The following BCL11A variants were observed in gnomAD, a reference collection of about 807,000 sequenced individuals.
BCL11A encodes the protein B cell CLL/lymphoma 11A.
In BCL11A, 2 loss-of-function variants were observed where a neutral mutation model predicts 55.9. The observed-to-expected ratio is 0.04, with a 90% CI of 0.01 to 0.11. The LOEUF (loss-of-function observed/expected upper bound fraction) is 0.11, where lower values mean the gene tolerates loss of function less well. Ranked by LOEUF, BCL11A falls within the 10% of genes least tolerant of loss-of-function variation. The pLI is 1.00. For missense variants in BCL11A, 817 were observed against 1,137.1 expected, an observed-to-expected ratio of 0.72 and a Z score of 4.05; for synonymous variants, 465 against 473.4, an observed-to-expected ratio of 0.98 and a Z score of 0.23.
downstream of BCL11A, chr2:60,452,400 T>G (rs1675760701): frequency 1.8e-6 from 1 of 550,748 alleles, no homozygotes; most frequent in African/African-American, 1.9e-5. Context: ...TTAAAAAATA[T>G]AAATAAAATG....
At chr2:60,517,485 T>G (rs1480859677) in intron 2 of BCL11A, among the ~76,000 whole-genome samples, 1 of 152,180 alleles carries the variant, frequency 6.6e-6, no homozygotes, top group African/African-American at 2.4e-5. Context: ...TTGCTTGGGT[T>G]TTACCATGGG....
Position 60,460,968 on chromosome 2 carries a change from C to A in BCL11A, c.1944G>T (p.Ala648=), listed in dbSNP as rs1474812152. 6.2e-7 allele frequency: 1 copy of A among 1,610,980 alleles called. No individual in the cohort carries two copies. Among genetic ancestry groups the A allele is most frequent in the South Asian group, 1.1e-5 (1 of 90,996 alleles). Residue 648 remains alanine, a synonymous_variant, in exon 4 of 4, where the codon GCG becomes GCT. Transcript: ENST00000642384. ...LEKEFDLPPA[A]MPNTENVYSQ... ...AGTACACGTTCTCCGTGTTGGGCAT[C>A]GCGGCCGGGGGCAGGTCGAACTCCT... is the stretch of plus-strand genomic sequence containing the variant.
chr2:60,505,937 C>T (rs887273712), intron 2 of BCL11A, among the ~76,000 whole-genome samples: 1 of 152,190 alleles, frequency 6.6e-6, no homozygotes, highest in African/African-American at 2.4e-5. Context: ...CCACCTGGTT[C>T]GTCTGCCAGA....
intron 2 of BCL11A, among the ~76,000 whole-genome samples, chr2:60,497,667 A>C (rs1362288993): frequency 6.6e-6 from 1 of 152,064 alleles, no homozygotes; most frequent in African/African-American, 2.4e-5. Context: ...GGCACTTTGC[A>C]CCTTCCAGAG....
chr2:60,453,535 G>C (rs1462671463), downstream of BCL11A, among the ~76,000 whole-genome samples: 2 of 152,214 alleles, frequency 1.3e-5, no homozygotes, highest in African/African-American at 4.8e-5. Context: ...TCCCACCCCT[G>C]AGCAGAGCAG....
At chr2:60,504,732 T>G (rs1206715881) in intron 2 of BCL11A, among the ~76,000 whole-genome samples, 3 of 152,156 alleles carry the variant, frequency 2.0e-5, no homozygotes, top group African/African-American at 7.2e-5. Context: ...TACTGGTGCT[T>G]AGGGACAATG....
At chr2:60,453,246 T>A (rs1397817437), downstream of BCL11A, among the ~76,000 whole-genome samples, 1 of 152,210 alleles carries the variant, frequency 6.6e-6, no homozygotes, top group Non-Finnish European at 1.5e-5. Context: ...TGCCTGTAGT[T>A]TCTTTCAAAC....
In BCL11A at chr2:60,461,424, T is replaced by C. The variant is rs1676277116; in HGVS notation, c.1488A>G (p.Glu496=). ...GCTCCTCCTCCTCCTCTTCCTCCTC[T>C]TCTTCCTCTTCCTCGTCGTCCTCCT... ...EEEEDDEEEE[E]EEEEEEEELT... Residue 496 remains glutamate (E), a synonymous_variant, in exon 4 of 4, where the codon GAA becomes GAG. Transcript: ENST00000642384. 6.2e-6 allele frequency: 10 copies of C among 1,604,416 alleles called. No homozygotes were observed. Among genetic ancestry groups the C allele is most frequent in the Non-Finnish European group, 8.5e-6 (10 of 1,178,654 alleles).
chr2:60,521,391 T>C (rs1356675709), intron 2 of BCL11A, among the ~76,000 whole-genome samples: 5 of 152,126 alleles, frequency 3.3e-5, no homozygotes, highest in Admixed American at 3.3e-4. Flanking sequence ...CTGGGAATGG[T>C]GTGATGTGGT....
chr2:60,502,348 A>G (rs1341328720), intron 2 of BCL11A, among the ~76,000 whole-genome samples: 1 of 152,222 alleles, frequency 6.6e-6, no homozygotes, highest in African/African-American at 2.4e-5. Context: ...TCTCCTCTAC[A>G]TTCTGTGAGC....
chr2:60,476,417 C>T (rs1237758850), intron 2 of BCL11A, among the ~76,000 whole-genome samples: 1 of 152,190 alleles, frequency 6.6e-6, no homozygotes, highest in Admixed American at 6.5e-5. Flanking sequence ...TAGCAAAGCT[C>T]GGCCTCATGC....
chr2:60,547,612 G>A (rs1296710355), intron 1 of BCL11A, among the ~76,000 whole-genome samples: 1 of 151,956 alleles, frequency 6.6e-6, no homozygotes, highest in Non-Finnish European at 1.5e-5. Context: ...TAATCAGTCT[G>A]ACCTTCTTTA....
chr2:60,452,507 A>T, downstream of BCL11A: 1 of 1,291,424 alleles, frequency 7.7e-7, no homozygotes, highest in Non-Finnish European at 1.1e-6. Flanking sequence ...AACTAGCAGG[A>T]TGACAGACCA....
chr2:60,530,867 G>T (rs1276059196), intron 2 of BCL11A, among the ~76,000 whole-genome samples: 1 of 151,796 alleles, frequency 6.6e-6, no homozygotes, highest in East Asian at 1.9e-4. Flanking sequence ...TACCTCTTTC[G>T]AGCTCCTAAA....
At chr2:60,522,534 T>G (rs1426951809) in intron 2 of BCL11A, 2 of 152,228 alleles carry the variant, frequency 1.3e-5, no homozygotes, top group Non-Finnish European at 2.9e-5. Context: ...AATCACACTC[T>G]CTAAAAAGGG....
At chr2:60,504,900 C>T (rs1047396766) in intron 2 of BCL11A, among the ~76,000 whole-genome samples, 1 of 152,088 alleles carries the variant, frequency 6.6e-6, no homozygotes, top group African/African-American at 2.4e-5. Flanking sequence ...AACAGAGCGT[C>T]CCCCCAAAAA....
intron 2 of BCL11A, among the ~76,000 whole-genome samples, chr2:60,500,512 G>T (rs1679221264): frequency 6.6e-6 from 1 of 152,110 alleles, no homozygotes. Context: ...AGGAAGGAGA[G>T]CCCCTGAGAA....
Position 60,458,016 on chromosome 2 carries a change from A to G in BCL11A, c.*2388T>C, listed in dbSNP as rs564209088. 9.7e-7 allele frequency: 1 copy of G among 1,033,548 alleles called. No homozygotes were observed. The highest frequency in any genetic ancestry group is 1.2e-6 in the Non-Finnish European group (1 of 858,956). The allele number at this position is 1,033,548 out of a possible 1,614,324, so 64.0% of individuals were successfully genotyped here. A position where few individuals can be genotyped will look rare whatever the true frequency, so the allele number is the denominator to read the frequency against. On this transcript the variant is annotated 3_prime_UTR_variant, in exon 4 of 4. Transcript: ENST00000642384. ...TATTATCCTGCCAAATTAAAAAAAT[A>G]TACTGTGGCAGCCTGTCTTTTTTTT...
intron 3 of BCL11A, among the ~76,000 whole-genome samples, chr2:60,465,106 C>T (rs1340266696): frequency 7.2e-5 from 11 of 152,136 alleles, no homozygotes; most frequent in Non-Finnish European, 1.5e-5. Context: ...ACAATTTCAC[C>T]ATATAATCTG....
Sources: gnomAD v4.1 joint callset for allele counts (sites outside exome capture counted in the v4.1 genomes callset) on GRCh38, gnomAD v4.1.1 for gene constraint, MANE v1.5 for transcripts, NCBI Gene and HGNC (gene_info 2026-07-23, HGNC 2026-07-21) for gene names.